The following INTS1 variants were observed in gnomAD, a reference collection of about 807,000 sequenced individuals.
The protein encoded by INTS1 is integrator complex subunit 1.
A neutral mutation model predicts 241.6 loss-of-function variants in INTS1; 137 were observed. The ratio of observed to expected loss-of-function variants is 0.57; its 90% confidence interval spans 0.49 to 0.65. INTS1 has a LOEUF of 0.65. Among genes scored for constraint, INTS1 ranks in the 30% least tolerant of loss-of-function variants. INTS1 has a pLI of 0.00. For synonymous variants in INTS1, 1,692 were observed against 1,337.8 expected (o/e 1.26, Z -5.78); for missense variants, 3,073 against 3,032.2 (o/e 1.01, Z -0.32).
rs878949596 is a variant in INTS1, at chr7:1,487,051, C to T, written c.2697G>A (p.Glu899=). The T allele has an allele frequency of 1.9e-6, 3 of 1,571,980 alleles. No individual in the cohort carries two copies. Residue 899 remains glutamate, a synonymous_variant, in exon 21 of 48, where the codon GAG becomes GAA. Coordinates refer to ENST00000404767, the MANE Select transcript of INTS1 (RefSeq NM_001080453.3). ...GCACGGGCAGCACGTCCAGGGAGCCCTCGCTGGACTGTACCAGGTCCGCCA... is the reference window on the plus strand; with the variant it reads ...GCACGGGCAGCACGTCCAGGGAGCCTTCGCTGGACTGTACCAGGTCCGCCA... ...PWLADLVQSS[E]GSLDVLPVQC... is the part of the protein sequence containing the mutation.
chr7:1,492,865 C>A, intron 16 of INTS1, 145 bp downstream of exon 16: 1 of 466,932 alleles, frequency 2.1e-6, no homozygotes, highest in East Asian at 3.7e-5. Flanking sequence ...GAGCGGGGCG[C>A]GGGCTTACCC....
At chr7:1,503,658 C>T (rs1783312691) in intron 2 of INTS1, among the ~76,000 whole-genome samples, 1 of 152,186 alleles carries the variant, frequency 6.6e-6, no homozygotes, top group South Asian at 2.1e-4. Context: ...TACTGTCGGC[C>T]GCCTTGCAGC....
intron 10 of INTS1, chr7:1,498,211 C>A: frequency 1.3e-6 from 1 of 743,092 alleles, no homozygotes; most frequent in Non-Finnish European, 2.1e-6. Context: ...CTGAGAAAGA[C>A]GCTGGGCGCT....
In INTS1 at chr7:1,473,065, C is replaced by T. The variant is rs1291326152; in HGVS notation, c.6070+7G>A. On this transcript the variant is annotated splice_region_variant and intron_variant, in intron 43 of 47. Transcript: ENST00000404767. ...TGCTTCCAGCAGCCCCTGGCAGCCC[C>T]ACTCACCCTCGCCCTCTTCGTCCAG... 1.3e-6 allele frequency: 2 copies of T among 1,576,728 alleles called. No individual in the cohort carries two copies. The highest frequency in any genetic ancestry group is 4.5e-5 in the East Asian group (2 of 44,332).
intron 45 of INTS1, 83 bp from the exon 46 acceptor site, chr7:1,471,307 T>A (rs1781457973): frequency 1.4e-6 from 2 of 1,409,012 alleles, no homozygotes; most frequent in African/African-American, 1.4e-5. Context: ...CTCGTGATGG[T>A]TGGCGGCAAC....
chr7:1,499,961 G>A lies in INTS1; in HGVS notation c.607C>T (p.Leu203=), dbSNP rs577532319. ...AGGTTACAGGCCAGCACAGACACCA[G>A]GCTGTTCCCCTTGGCCTTGAAGTTG... ...SINFKAKGNS[L]VSVLACNLLM... The change falls in exon 5 of 48, where the codon CTG becomes TTG. Residue 203 remains leucine, a synonymous_variant. Transcript: ENST00000404767. 2 of 1,613,606 alleles carry A rather than the reference G, an allele frequency of 1.2e-6. No individual in the cohort carries two copies. The highest frequency in any genetic ancestry group is 2.2e-5 in the East Asian group (1 of 44,892).
chr7:1,481,585 C>T lies in INTS1; in HGVS notation c.3704-97G>A, dbSNP rs1224804225. 1.5e-6 allele frequency: 2 copies of T among 1,346,826 alleles called. No individual in the cohort carries two copies. Among genetic ancestry groups the T allele is most frequent in the African/African-American group, 1.5e-5 (1 of 67,718 alleles). The allele number at this position is 1,346,826 out of a possible 1,614,324, so 83.4% of individuals were successfully genotyped here. ...TGGGGCTGCCTGTGTGCAGTGACCC[C>T]ACCCACCTGAGACCCTGGGCCACGT... On this transcript the variant is annotated intron_variant, in intron 27 of 47. Transcript: ENST00000404767. The surrounding 1 kb of genome is among the most constrained non-coding windows in gnomAD (Gnocchi z 6.8).
At position 1,492,307 on chromosome 7, in the gene INTS1, C is replaced by T. The variant is rs554156656; in HGVS notation, c.2165+703G>A. 4.6e-5 allele frequency among the ~76,000 whole-genome samples: 7 copies of T among 152,248 alleles called. No individual in the cohort carries two copies. The East Asian group carries it at 1.2e-3, about 25-fold the overall frequency. On this transcript the variant is annotated intron_variant, in intron 16 of 47. Transcript: ENST00000404767. ...CCTCATGCTACAGCACAGGTGACCC[C>T]GGAAAGAGCATGCCCGGGGAAGGAG...
chr7:1,499,143 C>G lies in INTS1; in HGVS notation c.969G>C (p.Glu323Asp), dbSNP rs1783017973. Residue 323 changes from glutamate to aspartate, a missense_variant, in exon 8 of 48, where the codon GAG becomes GAC. Coordinates refer to ENST00000404767, the MANE Select transcript of INTS1 (RefSeq NM_001080453.3). The stretch of plus-strand genomic sequence containing the variant: ...TGTCCAGGACATACTCCTCCACGCT[C>G]TCCGCGAGCTCTTCGTACCTAGGCC... ...QLMPRYEELA[E>D]SVEEYVLDML... 6.2e-7 allele frequency: 1 copy of G among 1,610,264 alleles called. No individual in the cohort carries two copies. Among genetic ancestry groups the G allele is most frequent in the Non-Finnish European group, 8.5e-7 (1 of 1,178,608 alleles).
chr7:1,480,250 C>T (rs1488721866), intron 30 of INTS1, 67 bp downstream of exon 30: 33 of 1,518,190 alleles, frequency 2.2e-5, no homozygotes, highest in Middle Eastern at 4.8e-4. Flanking sequence ...GCGTGCGAGG[C>T]GGCAGCGAAG....
chr7:1,474,465 C>T (rs1232374470), intron 40 of INTS1, 105 bp from the exon 41 acceptor site: 4 of 1,234,264 alleles, frequency 3.2e-6, no homozygotes, highest in African/African-American at 4.8e-5. Context: ...CCCCGTGCTG[C>T]CCCCCAACCA....
rs377538212 is a variant in INTS1 at position 1,486,759 on chromosome 7, G to A, written c.2842C>T (p.Arg948Trp). ...AKKRQRQQKQ[R>W]QLLGRLQDLL... ...TCCTGCAGGCGGCCCAGCAGCTGCC[G>A]CTGCTTCTGTTGCCTCTGCAGGGAG... Residue 948 changes from arginine (R) to tryptophan (W), a missense_variant, in exon 22 of 48, where the codon CGG becomes TGG. By Grantham distance (101) the Arg-to-Trp change is moderately radical. Transcript: ENST00000404767. 1.4e-5 allele frequency: 23 copies of A among 1,612,170 alleles called. No individual in the cohort carries two copies. The highest frequency in any genetic ancestry group is 1.7e-5 in the Non-Finnish European group (20 of 1,179,692).
At position 1,495,552 on chromosome 7, in the gene INTS1, G is replaced by A. The variant is rs1782806199; in HGVS notation, c.1713C>T (p.Asn571=). The change falls in exon 13 of 48, where the codon AAC becomes AAT. Residue 571 remains asparagine, a splice_region_variant and synonymous_variant. Coordinates refer to ENST00000404767, the MANE Select transcript of INTS1 (RefSeq NM_001080453.3). ...GIAWDKGEKR[N]LEVLRSFQNQ... is the part of the protein sequence containing the mutation. ...TCTGGAATGAGCGGAGCACTTCCAG[G>A]TCTGAAACAGACACGCAGCTTAGTG... 6.2e-7 allele frequency: 1 copy of A among 1,609,026 alleles called. No homozygotes were observed. Among genetic ancestry groups the A allele is most frequent in the Non-Finnish European group, 8.5e-7 (1 of 1,178,728 alleles).
chr7:1,475,842 G>A, intron 39 of INTS1, 106 bp downstream of exon 39: 1 of 1,379,682 alleles, frequency 7.2e-7, no homozygotes, highest in Non-Finnish European at 9.7e-7. Context: ...GAAGGGGCAA[G>A]AGGGGTAGCC....
At chr7:1,478,295 G>C in intron 33 of INTS1, 71 bp downstream of exon 33, 1 of 1,541,696 alleles carries the variant, frequency 6.5e-7, no homozygotes, top group South Asian at 1.1e-5. Flanking sequence ...CCACTGGGCA[G>C]CTAGAAGGAG....
In INTS1 at chr7:1,494,863, C is replaced by T. The variant is rs781404775; in HGVS notation, c.1863G>A (p.Pro621=). 4.5e-5 allele frequency: 70 copies of T among 1,567,694 alleles called. No individual in the cohort carries two copies. The highest frequency in any genetic ancestry group is 1.7e-4 in the Middle Eastern group (1 of 6,032). Residue 621 remains proline (P), a synonymous_variant, in exon 14 of 48, where the codon CCG becomes CCA. Coordinates refer to ENST00000404767, the MANE Select transcript of INTS1 (RefSeq NM_001080453.3). ...AGTTGTCCCACTTGTAGTAGGTCTCCGGCTGCTCTGTGAACAGCACCTTGT... is the reference window on the plus strand; with the variant it reads ...AGTTGTCCCACTTGTAGTAGGTCTCTGGCTGCTCTGTGAACAGCACCTTGT... ...CLHKVLFTEQ[P]ETYYKWDNWP...
intron 42 of INTS1, 117 bp from the exon 43 acceptor site, chr7:1,473,301 G>A: frequency 1.4e-6 from 1 of 739,416 alleles, no homozygotes; most frequent in Non-Finnish European, 2.3e-6. Flanking sequence ...GGAGAGGCCA[G>A]GACGCTCAGA....
chr7:1,485,111 C>T lies in INTS1; in HGVS notation c.3248G>A (p.Ser1083Asn). 1.3e-6 allele frequency: 2 copies of T among 1,599,666 alleles called. No individual in the cohort carries two copies. Among genetic ancestry groups the T allele is most frequent in the Non-Finnish European group, 1.7e-6 (2 of 1,178,796 alleles). ...CTGCTGCCTCACCAGGGCCAGGTCGCTGTGCTGGGCCTGCTCCTCCACAGG... is the reference window on the plus strand; with the variant it reads ...CTGCTGCCTCACCAGGGCCAGGTCGTTGTGCTGGGCCTGCTCCTCCACAGG... ...HTPVEEQAQH[S>N]DLALDVARLV... Residue 1083 changes from serine to asparagine, a missense_variant, in exon 24 of 48, where the codon AGC becomes AAC. Physicochemically the swap from Ser to Asn is conservative, Grantham distance 46. Coordinates refer to ENST00000404767, the MANE Select transcript of INTS1 (RefSeq NM_001080453.3).
In INTS1 at chr7:1,504,042, G is replaced by C. The variant is rs1028788290; in HGVS notation, c.-41-41C>G. On this transcript the variant is annotated intron_variant, in intron 1 of 47. Coordinates refer to ENST00000404767, the MANE Select transcript of INTS1 (RefSeq NM_001080453.3). Reference sequence around the variant, plus strand: ...CGTGCGGTCATTCCTTCACTCATTCGCTCGTTCGCTCGCTCATTCGCTCCC... The same window carrying C: ...CGTGCGGTCATTCCTTCACTCATTCCCTCGTTCGCTCGCTCATTCGCTCCC... 11 of 1,032,304 alleles carry C rather than the reference G, an allele frequency of 1.1e-5. No individual in the cohort carries two copies. In the African/African-American group the frequency reaches 1.8e-4, roughly 17 times the overall value. 63.9% of individuals were successfully genotyped at this position (1,032,304 alleles called of 1,614,324 possible). A position where few individuals can be genotyped will look rare whatever the true frequency, so the allele number is the denominator to read the frequency against.
Sources: allele counts gnomAD v4.1 joint callset (sites outside exome capture counted in the v4.1 genomes callset), GRCh38; gene constraint gnomAD v4.1.1; non-coding constraint Gnocchi (gnomAD v3.1); transcripts MANE v1.5; gene names NCBI Gene and HGNC (gene_info 2026-07-23, HGNC 2026-07-21).